Variants in ARPP21 observed in about 807,000 individuals in gnomAD.
ARPP21 encodes the protein cAMP-regulated phosphoprotein 21.
ARPP21 carries 69 observed loss-of-function variants against 113.2 expected under a neutral mutation model. The observed-to-expected ratio is 0.61, with a 90% CI of 0.50 to 0.74. The LOEUF (loss-of-function observed/expected upper bound fraction) is 0.74, where lower values mean the gene tolerates loss of function less well. Among genes scored for constraint, ARPP21 ranks in the 30% least tolerant of loss-of-function variants. ARPP21 has a pLI of 0.00. For missense variants in ARPP21, 1,070 were observed against 1,037.4 expected, an observed-to-expected ratio of 1.03 and a Z score of -0.43; for synonymous variants, 368 against 375.5, an observed-to-expected ratio of 0.98 and a Z score of 0.23.
chr3:35,683,302 T>C (rs1166831491), intron 4 of ARPP21, among the ~76,000 whole-genome samples: 2 of 151,768 alleles, frequency 1.3e-5, no homozygotes, highest in Non-Finnish European at 2.9e-5. Flanking sequence ...ACTTGATTTC[T>C]GCCTTGAAGT....
intron 9 of ARPP21, among the ~76,000 whole-genome samples, chr3:35,694,501 T>A (rs2149708981): frequency 6.6e-6 from 1 of 151,564 alleles, no homozygotes; most frequent in East Asian, 1.9e-4. Flanking sequence ...ATATAAATAA[T>A]TAAAGCTTCA....
At chr3:35,755,368 T>C (rs1282060389) in intron 19 of ARPP21, among the ~76,000 whole-genome samples, 1 of 152,058 alleles carries the variant, frequency 6.6e-6, no homozygotes, top group Non-Finnish European at 1.5e-5. Flanking sequence ...CTTTAACTCT[T>C]GACTGTACAC....
In ARPP21 at chr3:35,715,540, A is replaced by G. The variant is rs2092264970; in HGVS notation, c.935+64A>G. ...AACGTCTGTCATGTGTGTCTTGTGT[A>G]TTCATAAATATATATCCCATATATG... On this transcript the variant is annotated intron_variant, in intron 12 of 20. Transcript: ENST00000684406. 3 of 1,307,926 alleles carry G rather than the reference A, an allele frequency of 2.3e-6. No individual in the cohort carries two copies. The Admixed American group carries it at 5.1e-5, about 22-fold the overall frequency. The allele number at this position is 1,307,926 out of a possible 1,614,324, so 81.0% of individuals were successfully genotyped here. A position where few individuals can be genotyped will look rare whatever the true frequency, so the allele number is the denominator to read the frequency against.
intron 2 of ARPP21, chr3:35,681,013 G>A (rs2078741514): frequency 6.6e-6 from 1 of 151,824 alleles, no homozygotes; most frequent in Non-Finnish European, 1.5e-5. Flanking sequence ...ATTTAGTTGG[G>A]ATAGCTTCAC....
intron 1 of ARPP21, among the ~76,000 whole-genome samples, chr3:35,644,912 C>G (rs1016058276): frequency 6.6e-6 from 1 of 151,834 alleles, no homozygotes; most frequent in Non-Finnish European, 1.5e-5. Flanking sequence ...ATTTAATATA[C>G]CTTTCAATGT....
intron 9 of ARPP21, among the ~76,000 whole-genome samples, chr3:35,702,150 C>G (rs1317680611): frequency 6.6e-6 from 1 of 151,638 alleles, no homozygotes; most frequent in African/African-American, 2.4e-5. Flanking sequence ...ATACTTACTC[C>G]TAGCATTATT....
intron 1 of ARPP21, among the ~76,000 whole-genome samples, chr3:35,642,834 C>A (rs1315709458): frequency 1.3e-5 from 2 of 152,088 alleles, no homozygotes; most frequent in East Asian, 3.8e-4. Flanking sequence ...AGAATTGTCA[C>A]AACTAAGAGA....
chr3:35,707,205 G>A (rs1324957911), intron 10 of ARPP21, 123 bp downstream of exon 10: 2 of 717,180 alleles, frequency 2.8e-6, no homozygotes, highest in Admixed American at 2.4e-5. Context: ...TGATACCACT[G>A]TCCTATCTCC....
intron 1 of ARPP21, among the ~76,000 whole-genome samples, chr3:35,668,029 GAAGGAGA>G (rs1559550895): frequency 6.1e-4 from 86 of 141,942 alleles, no homozygotes; most frequent in African/African-American, 2.1e-3. Flanking sequence ...AGAAGAAGAA[GAAGGAGA>G]AGAAGAAGAA....
At position 35,748,323 on chromosome 3, in the gene ARPP21, A is replaced by C. The variant is rs909406129; in HGVS notation, c.2137+4358A>C. Among the ~76,000 whole-genome samples, 5 of 150,578 alleles carry C rather than the reference A, an allele frequency of 3.3e-5. No homozygotes were observed. The East Asian group carries it at 7.9e-4, about 24-fold the overall frequency. On this transcript the variant is annotated intron_variant, in intron 19 of 20. Transcript: ENST00000684406. ...GGAAGAAAGAAAGAAAGAAAGAAAAAGAAAGAAAGAAAGAAAAGAAAGGGA... is the reference window on the plus strand; with the variant it reads ...GGAAGAAAGAAAGAAAGAAAGAAAACGAAAGAAAGAAAGAAAAGAAAGGGA...
chr3:35,638,934 A>G (rs527790218), upstream of ARPP21: 1 of 152,320 alleles, frequency 6.6e-6, no homozygotes, highest in South Asian at 2.1e-4. Context: ...TTATTGTGGG[A>G]TTGTCTCTGC....
intron 19 of ARPP21, among the ~76,000 whole-genome samples, chr3:35,766,252 G>C (rs2095972534): frequency 6.6e-6 from 1 of 152,120 alleles, no homozygotes; most frequent in Admixed American, 6.6e-5. Flanking sequence ...GCTCTCCCAA[G>C]TTCCATTCTG....
chr3:35,713,747 GTTC>G (rs1383868763), intron 11 of ARPP21, among the ~76,000 whole-genome samples: 3 of 152,094 alleles, frequency 2.0e-5, no homozygotes, highest in Admixed American at 2.0e-4. Context: ...AGAGTTTGGG[GTTC>G]TTAACTCTCC....
chr3:35,771,538 A>T (rs773351236), intron 19 of ARPP21, among the ~76,000 whole-genome samples: 1 of 152,144 alleles, frequency 6.6e-6, no homozygotes, highest in Non-Finnish European at 1.5e-5. Context: ...CATGTTGGCC[A>T]GCCTCGTCTT....
chr3:35,775,163 A>C (rs951145714), intron 19 of ARPP21: 1 of 152,182 alleles, frequency 6.6e-6, no homozygotes, highest in African/African-American at 2.4e-5. Context: ...CCACAACTTA[A>C]TCATTCATTT....
chr3:35,793,467 T>G (rs2096787431), intron 20 of ARPP21, among the ~76,000 whole-genome samples: 1 of 152,194 alleles, frequency 6.6e-6, no homozygotes, highest in Admixed American at 6.5e-5. Context: ...ACACCATCCC[T>G]TCAATCCTTT....
At chr3:35,679,032 A>G (rs906429217) in intron 1 of ARPP21, among the ~76,000 whole-genome samples, 3 of 151,938 alleles carry the variant, frequency 2.0e-5, no homozygotes, top group Admixed American at 1.3e-4. Flanking sequence ...AGTGCACATT[A>G]TAGCGTGGAT....
intron 14 of ARPP21, among the ~76,000 whole-genome samples, chr3:35,725,965 G>A (rs1318030528): frequency 6.6e-6 from 1 of 152,188 alleles, no homozygotes; most frequent in Non-Finnish European, 1.5e-5. Flanking sequence ...TACAGGCTTA[G>A]AGAGCCATCT....
chr3:35,705,284 G>C (rs1229123683), intron 9 of ARPP21, among the ~76,000 whole-genome samples: 1 of 152,010 alleles, frequency 6.6e-6, no homozygotes, highest in Non-Finnish European at 1.5e-5. Flanking sequence ...ACAGGGAACT[G>C]CAAGTCTACA....
Sources: gnomAD v4.1 joint callset for allele counts (sites outside exome capture counted in the v4.1 genomes callset) on GRCh38, gnomAD v4.1.1 for gene constraint, MANE v1.5 for transcripts, NCBI Gene and HGNC (gene_info 2026-07-23, HGNC 2026-07-21) for gene names.